Variants in KIF1A observed in about 807,000 individuals in gnomAD.
The protein encoded by KIF1A is kinesin family member 1A, also known as kinesin-like protein KIF1A.
In KIF1A, 46 loss-of-function variants were observed where a neutral mutation model predicts 227.3. The observed-to-expected ratio is 0.20, with a 90% CI of 0.16 to 0.26. The LOEUF (loss-of-function observed/expected upper bound fraction) is 0.26. Among genes scored for constraint, KIF1A ranks in the 10% least tolerant of loss-of-function variants. KIF1A has a pLI of 1.00. For missense variants in KIF1A, 1,683 were observed against 2,485.9 expected (o/e 0.68, Z 6.87); for synonymous variants, 1,022 against 1,012.8 (o/e 1.01, Z -0.17).
intron 48 of KIF1A, 94 bp from the exon 49 acceptor site, chr2:240,717,500 C>T: frequency 1.8e-6 from 2 of 1,118,574 alleles, no homozygotes; most frequent in Non-Finnish European, 2.7e-6. Context: ...CCGTGAGGGG[C>T]AGCCACAGAC....
chr2:240,816,979 G>A (rs2058373776), intron 1 of KIF1A, among the ~76,000 whole-genome samples: 2 of 152,224 alleles, frequency 1.3e-5, no homozygotes, highest in Non-Finnish European at 2.9e-5. Context: ...GTGGCGAGAG[G>A]CCAGCCAGGC....
chr2:240,731,116 A>C (rs1260992102), intron 38 of KIF1A, among the ~76,000 whole-genome samples: 2 of 152,206 alleles, frequency 1.3e-5, no homozygotes, highest in Non-Finnish European at 2.9e-5. Context: ...GTAGATCCAC[A>C]CAGAGACAGG....
At chr2:240,782,465 C>T in intron 10 of KIF1A, 125 bp downstream of exon 10, 1 of 1,088,560 alleles carries the variant, frequency 9.2e-7, no homozygotes, top group Non-Finnish European at 1.3e-6. Context: ...CGGGATCCAC[C>T]CCCACGTCCC....
At chr2:240,806,126 C>T (rs903330284) in intron 1 of KIF1A, among the ~76,000 whole-genome samples, 1 of 152,234 alleles carries the variant, frequency 6.6e-6, no homozygotes, top group Non-Finnish European at 1.5e-5. Flanking sequence ...CCTGTGATCA[C>T]TCCAAATCTG....
intron 38 of KIF1A, among the ~76,000 whole-genome samples, chr2:240,735,981 C>T (rs1238020260): frequency 1.3e-5 from 2 of 151,744 alleles, no homozygotes; most frequent in African/African-American, 2.4e-5. Flanking sequence ...CAACCCCCAC[C>T]CCCCACTGTT....
chr2:240,757,264 C>T lies in KIF1A; in HGVS notation c.2858+55G>A, dbSNP rs1404387437. On this transcript the variant is annotated intron_variant, in intron 27 of 48. Coordinates refer to ENST00000498729, the MANE Select transcript of KIF1A (RefSeq NM_001244008.2). This position sits in a 1 kb window ranked among gnomAD's most constrained non-coding sequence, Gnocchi z 6.2. Reference sequence around the variant, plus strand: ...CGGTTCCTCTGTGCCCGCAGCAGTGCTCCTGTGCAAAAGAGCTGGGTCCTC... The same window carrying T: ...CGGTTCCTCTGTGCCCGCAGCAGTGTTCCTGTGCAAAAGAGCTGGGTCCTC... The T allele has an allele frequency of 6.7e-7, 1 of 1,497,730 alleles. No homozygotes were observed. Among genetic ancestry groups the T allele is most frequent in the Non-Finnish European group, 9.1e-7 (1 of 1,102,696 alleles). 92.8% of individuals were successfully genotyped at this position (1,497,730 alleles called of 1,614,324 possible).
chr2:240,786,628 A>AGGG (rs2054796917), intron 5 of KIF1A, 115 bp from the exon 6 acceptor site: 3 of 672,380 alleles, frequency 4.5e-6, no homozygotes, highest in African/African-American at 8.7e-5. Context: ...GAGTGAGGAG[A>AGGG]TGGGGGCCGC....
At chr2:240,820,763 G>A (rs13011012), upstream of KIF1A, among the ~76,000 whole-genome samples, 1 of 151,936 alleles carries the variant, frequency 6.6e-6, no homozygotes, top group Non-Finnish European at 1.5e-5. The surrounding 1 kb of genome is among the most constrained non-coding windows in gnomAD (Gnocchi z 6.2). Context: ...TTGTGTCGGG[G>A]CCGGGGCGCC....
Position 240,723,548 on chromosome 2 carries a change from G to A in KIF1A, c.4329C>T (p.Arg1443=), listed in dbSNP as rs2045649020. 1 of 1,536,782 alleles carries A rather than the reference G, an allele frequency of 6.5e-7. No individual in the cohort carries two copies. The highest frequency in any genetic ancestry group is 2.4e-5 in the East Asian group (1 of 40,930). ...ATGTGTCCAGGACTCGTCGGCGCCG[G>A]CGCTGCATCCCTGCATGGGGCACGT... is the stretch of plus-strand genomic sequence containing the variant. ...VADAGSPGMQ[R]RRRRVLDTSV... The change falls in exon 42 of 49, where the codon CGC becomes CGT. Residue 1443 remains arginine, a synonymous_variant. Transcript: ENST00000498729.
rs80067787 is a variant in KIF1A at position 240,721,902 on chromosome 2, G to A, written c.4666-18C>T. ...CGCAAGCACTGTGGACAGAGCACAC[G>A]CGTGGTCAGGGGCCAGGCCTCCCGG... On this transcript the variant is annotated intron_variant, in intron 43 of 48. Transcript: ENST00000498729. 10,545 of 1,592,786 alleles carry A rather than the reference G, an allele frequency of 6.6e-3. 597 individuals carry two copies. The African/African-American group carries it at 0.12, about 18-fold the overall frequency.
At chr2:240,804,574 G>A (rs2057227447) in intron 1 of KIF1A, among the ~76,000 whole-genome samples, 1 of 152,148 alleles carries the variant, frequency 6.6e-6, no homozygotes, top group South Asian at 2.1e-4. Flanking sequence ...AAAAAGTGAT[G>A]ACTGGAACCA....
At chr2:240,786,092 G>A (rs1281285385) in intron 6 of KIF1A, among the ~76,000 whole-genome samples, 1 of 152,202 alleles carries the variant, frequency 6.6e-6, no homozygotes, top group African/African-American at 2.4e-5. Context: ...ACCTCAGCCG[G>A]AGGACGCAGA....
chr2:240,760,465 C>T (rs950898609), intron 25 of KIF1A, among the ~76,000 whole-genome samples, 200 bp downstream of exon 25: 1 of 152,268 alleles, frequency 6.6e-6, no homozygotes, highest in African/African-American at 2.4e-5. Context: ...ATGATTGCTG[C>T]ATTGGTAGAA....
chr2:240,772,500 G>T, intron 14 of KIF1A, 70 bp downstream of exon 14: 1 of 1,375,146 alleles, frequency 7.3e-7, no homozygotes, highest in Non-Finnish European at 1.0e-6. Flanking sequence ...CCCTGACCAT[G>T]CCACCCTAGG....
chr2:240,767,410 C>A (rs1270999962), intron 17 of KIF1A, 65 bp from the exon 18 acceptor site: 3 of 1,328,666 alleles, frequency 2.3e-6, no homozygotes, highest in Middle Eastern at 1.8e-4. Flanking sequence ...GGCCACACCC[C>A]CCTCCAACCT....
At chr2:240,820,639 C>A (rs1448442671), upstream of KIF1A, among the ~76,000 whole-genome samples, 1 of 151,494 alleles carries the variant, frequency 6.6e-6, no homozygotes, top group Non-Finnish European at 1.5e-5. This position sits in a 1 kb window ranked among gnomAD's most constrained non-coding sequence, Gnocchi z 6.2. Context: ...CACCTGCCCC[C>A]GCTCTGAGCC....
intron 15 of KIF1A, 84 bp from the exon 16 acceptor site, chr2:240,769,790 A>C (rs182382212): frequency 9.2e-4 from 1,027 of 1,119,208 alleles, no homozygotes; most frequent in Non-Finnish European, 1.3e-3. Flanking sequence ...CAGGAGAAGG[A>C]GCTGCAAAGC....
intron 45 of KIF1A, 127 bp from the exon 46 acceptor site, chr2:240,720,053 G>T: frequency 1.1e-6 from 1 of 907,590 alleles, no homozygotes; most frequent in Non-Finnish European, 1.5e-6. Flanking sequence ...GGTCTCTCCA[G>T]CTGTGCCCAC....
At chr2:240,737,236 A>T in intron 37 of KIF1A, 68 bp from the exon 38 acceptor site, 1 of 1,245,398 alleles carries the variant, frequency 8.0e-7, no homozygotes, top group Non-Finnish European at 1.2e-6. Flanking sequence ...GGGCTGCCTC[A>T]GGTGGGGGTC....
Sources: gnomAD v4.1 joint callset for allele counts (sites outside exome capture counted in the v4.1 genomes callset) on GRCh38, gnomAD v4.1.1 for gene constraint, Gnocchi (gnomAD v3.1) non-coding constraint, MANE v1.5 for transcripts, NCBI Gene and HGNC (gene_info 2026-07-23, HGNC 2026-07-21) for gene names.